Variants in LGALS2 observed in about 807,000 individuals in gnomAD.
LGALS2 encodes galectin-2.
LGALS2 carries 7 observed loss-of-function variants against 10.1 expected under a neutral mutation model. The observed-to-expected ratio is 0.70, with a 90% CI of 0.40 to 1.31. LGALS2 has a LOEUF of 1.31. LGALS2 is among the 50% of genes most tolerant of loss of function. LGALS2 has a pLI of 0.01. For synonymous variants in LGALS2, 86 were observed against 64.2 expected, an observed-to-expected ratio of 1.34 and a Z score of -1.63; for missense variants, 167 against 163.6, an observed-to-expected ratio of 1.02 and a Z score of -0.11.
intron 1 of LGALS2, among the ~76,000 whole-genome samples, chr22:37,572,148 T>C (rs1925517261): frequency 1.3e-5 from 2 of 152,176 alleles, no homozygotes; most frequent in Non-Finnish European, 2.9e-5. Flanking sequence ...GTTTTGCTCT[T>C]ATCCACCCCA....
At chr22:37,574,771 G>A (rs1336992387) in intron 1 of LGALS2, among the ~76,000 whole-genome samples, 3 of 152,108 alleles carry the variant, frequency 2.0e-5, no homozygotes, top group South Asian at 4.1e-4. Flanking sequence ...GTGCCCTCTC[G>A]CTGGCAGCCG....
chr22:37,570,584 C>G lies in LGALS2; in HGVS notation c.241G>C (p.Glu81Gln). Residue 81 changes from glutamate to glutamine, a missense_variant, in exon 3 of 4, where the codon GAG becomes CAG. By Grantham distance (29) the Glu-to-Gln change is conservative. Transcript: ENST00000215886. ...EDHLCFSPGS[E>Q]VKFTVTFESD... ...TCCCCCTTTGACCTCACCTTGACCTCTGACCCTGGGCTGAAGCACAGGTGA... is the reference window on the plus strand; with the variant it reads ...TCCCCCTTTGACCTCACCTTGACCTGTGACCCTGGGCTGAAGCACAGGTGA... 6.2e-7 allele frequency: 1 copy of G among 1,614,260 alleles called. No individual in the cohort carries two copies. The highest frequency in any genetic ancestry group is 8.5e-7 in the Non-Finnish European group (1 of 1,180,052).
chr22:37,579,725 C>T (rs115032673), intron 1 of LGALS2, among the ~76,000 whole-genome samples, 175 bp downstream of exon 1: 2,210 of 152,248 alleles, frequency 0.015, 67 homozygotes, highest in African/African-American at 0.051. Context: ...GGAGCCACCA[C>T]GCCTGGCCCA....
rs757643409 is a variant in LGALS2 at position 37,570,426 on chromosome 22, G to T, written c.250-14C>A. On this transcript the variant is annotated splice_polypyrimidine_tract_variant and intron_variant, in intron 3 of 3. Coordinates refer to ENST00000215886, the MANE Select transcript of LGALS2 (RefSeq NM_006498.3). The stretch of plus-strand genomic sequence containing the variant: ...GGTCACTGTGAACTGTGGGGAGGGA[G>T]GGTGTCAAGGAGGCAGGAGGCCCTG... 2 of 1,610,486 alleles carry T rather than the reference G, an allele frequency of 1.2e-6. No homozygotes were observed. Among genetic ancestry groups the T allele is most frequent in the Non-Finnish European group, 1.7e-6 (2 of 1,177,558 alleles).
Position 37,579,892 on chromosome 22 carries a change from G to A in LGALS2, c.6+8C>T, listed in dbSNP as rs962753665. On this transcript the variant is annotated splice_region_variant and intron_variant, in intron 1 of 3. Coordinates refer to ENST00000215886, the MANE Select transcript of LGALS2 (RefSeq NM_006498.3). The stretch of plus-strand genomic sequence containing the variant: ...GTGGGGCAGGCAGCAGGGGGCTAGT[G>A]TCCTCACCGTCATGGTGACAGCTCC... The A allele has an allele frequency of 6.2e-6, 10 of 1,609,758 alleles. No homozygotes were observed. Among genetic ancestry groups the A allele is most frequent in the South Asian group, 1.1e-5 (1 of 89,450 alleles).
chr22:37,579,605 T>A (rs1192328640), intron 1 of LGALS2, among the ~76,000 whole-genome samples: 1 of 152,134 alleles, frequency 6.6e-6, no homozygotes, highest in East Asian at 1.9e-4. Flanking sequence ...GCCAATTTTG[T>A]ATTTTTTTAG....
chr22:37,570,251 G>T lies in LGALS2; in HGVS notation c.*12C>A. 1 of 1,595,752 alleles carries T rather than the reference G, an allele frequency of 6.3e-7. No individual in the cohort carries two copies. Among genetic ancestry groups the T allele is most frequent in the Non-Finnish European group, 8.6e-7 (1 of 1,165,842 alleles). Reference sequence around the variant, plus strand: ...AGAAGAACCAGGACAGAGAATCTCGGCTGGAAGTCTTTTATTCTTTTAACT... The same window carrying T: ...AGAAGAACCAGGACAGAGAATCTCGTCTGGAAGTCTTTTATTCTTTTAACT... On this transcript the variant is annotated 3_prime_UTR_variant, in exon 4 of 4. Transcript: ENST00000215886.
In LGALS2 at chr22:37,580,013, A is replaced by G. The variant is rs1457125428; in HGVS notation, c.-108T>C. 14 of 1,212,700 alleles carry G rather than the reference A, an allele frequency of 1.2e-5. No homozygotes were observed. Among genetic ancestry groups the G allele is most frequent in the Non-Finnish European group, 1.3e-5 (11 of 846,156 alleles). 75.1% of individuals were successfully genotyped at this position (1,212,700 alleles called of 1,614,324 possible). ...AGAATATTACACATTAACTCCCTCA[A>G]GGTCCTAGGTGAGGACTTTGCCCCT... On this transcript the variant is annotated 5_prime_UTR_variant, in exon 1 of 4. Coordinates refer to ENST00000215886, the MANE Select transcript of LGALS2 (RefSeq NM_006498.3).
At chr22:37,579,864 A>T (rs761988801) in intron 1 of LGALS2, 36 bp downstream of exon 1, 1 of 1,602,288 alleles carries the variant, frequency 6.2e-7, no homozygotes, top group Non-Finnish European at 8.5e-7. Context: ...AAAGATGAAC[A>T]GAGTGGGGCA....
At position 37,570,627 on chromosome 22, in the gene LGALS2, C is replaced by T. The variant is rs146186934; in HGVS notation, c.198G>A (p.Gly66=). 435 of 1,614,256 alleles carry T rather than the reference C, an allele frequency of 2.7e-4. 2 individuals carry two copies. In the African/African-American group the frequency reaches 5.3e-3, roughly 20 times the overall value. ...VCNSLDGSNW[G]QEQREDHLCF... is the part of the protein sequence containing the mutation. ...ACAGGTGATCTTCCCGTTGTTCTTG[C>T]CCCCAGTTGCTGCCGTCCAATGAGT... is the stretch of plus-strand genomic sequence containing the variant. Residue 66 remains glycine (G), a synonymous_variant, in exon 3 of 4, where the codon GGG becomes GGA. Transcript: ENST00000215886.
intron 1 of LGALS2, among the ~76,000 whole-genome samples, chr22:37,573,103 T>C (rs1367657297): frequency 6.6e-6 from 1 of 151,526 alleles, no homozygotes; most frequent in Non-Finnish European, 1.5e-5. Context: ...TAACCCTGTC[T>C]CTACTAAAAA....
intron 1 of LGALS2, among the ~76,000 whole-genome samples, chr22:37,579,078 A>G (rs1569183450): frequency 8.9e-6 from 1 of 112,594 alleles, no homozygotes; most frequent in East Asian, 2.2e-4. Flanking sequence ...CAGAAACTCC[A>G]TCTCAACAAA....
intron 1 of LGALS2, 64 bp downstream of exon 1, chr22:37,579,836 C>G: frequency 6.4e-7 from 1 of 1,562,432 alleles, no homozygotes; most frequent in Non-Finnish European, 8.7e-7. Flanking sequence ...CCCTAAAAGC[C>G]CCCACCCAGG....
In LGALS2 at chr22:37,570,556, C is replaced by T; in HGVS notation, c.249+20G>A. On this transcript the variant is annotated intron_variant, in intron 3 of 3. Transcript: ENST00000215886. ...CTCCCCTTGACATCACCCCAGTGCC[C>T]TTTCCCCCTTTGACCTCACCTTGAC... 1.2e-6 allele frequency: 2 copies of T among 1,614,164 alleles called. No individual in the cohort carries two copies. Among genetic ancestry groups the T allele is most frequent in the Non-Finnish European group, 1.7e-6 (2 of 1,179,990 alleles).
At chr22:37,571,791 C>T in intron 2 of LGALS2, 58 bp downstream of exon 2, 1 of 1,427,402 alleles carries the variant, frequency 7.0e-7, no homozygotes, top group Non-Finnish European at 9.9e-7. Flanking sequence ...CCTGCCTGCC[C>T]CACCCGCCCT....
chr22:37,577,615 G>A (rs1039225324), intron 1 of LGALS2, among the ~76,000 whole-genome samples: 2 of 151,624 alleles, frequency 1.3e-5, no homozygotes, highest in Admixed American at 6.6e-5. Flanking sequence ...CTGATCTCAA[G>A]TGATCCGCCT....
At chr22:37,570,885 C>T (rs1925478487) in intron 2 of LGALS2, 150 bp from the exon 3 acceptor site, 3 of 815,988 alleles carry the variant, frequency 3.7e-6, no homozygotes, top group South Asian at 1.5e-5. Context: ...TAACAACCTG[C>T]TCAGACTTAG....
intron 1 of LGALS2, among the ~76,000 whole-genome samples, chr22:37,576,907 G>A (rs896368103): frequency 5.3e-5 from 8 of 152,168 alleles, no homozygotes; most frequent in Non-Finnish European, 8.8e-5. Flanking sequence ...GTGCAGGCCC[G>A]GGAGCCTTGT....
chr22:37,574,636 T>C (rs1925613624), intron 1 of LGALS2, among the ~76,000 whole-genome samples: 1 of 152,110 alleles, frequency 6.6e-6, no homozygotes, highest in Admixed American at 6.6e-5. Flanking sequence ...TTTTACATTG[T>C]GGGAGTTCTG....
Sources: gnomAD v4.1 joint callset for allele counts (sites outside exome capture counted in the v4.1 genomes callset) on GRCh38, gnomAD v4.1.1 for gene constraint, MANE v1.5 for transcripts, NCBI Gene and HGNC (gene_info 2026-07-23, HGNC 2026-07-21) for gene names.